TAFA2: variants seen among roughly 807,000 people sequenced by gnomAD.
TAFA2 encodes TAFA chemokine like family member 2, also known as chemokine-like protein TAFA-2.
A neutral mutation model predicts 18.8 loss-of-function variants in TAFA2; 7 were observed. The observed-to-expected ratio is 0.37, with a 90% CI of 0.21 to 0.70. TAFA2 has a LOEUF of 0.70. TAFA2 is among the 30% of genes least tolerant of loss of function. The pLI, the probability that TAFA2 is intolerant of heterozygous loss-of-function variation, is 0.53. For missense variants in TAFA2, 122 were observed against 158.1 expected (o/e 0.77, Z 1.23); for synonymous variants, 60 against 54.2 (o/e 1.11, Z -0.47).
At chr12:62,158,878 A>T (rs2062388628) in intron 1 of TAFA2, among the ~76,000 whole-genome samples, 2 of 152,220 alleles carry the variant, frequency 1.3e-5, no homozygotes, top group South Asian at 4.1e-4. Flanking sequence ...CAAGTGATAC[A>T]GAAAAGGCAT....
chr12:62,109,414 G>A (rs916584519), intron 1 of TAFA2, among the ~76,000 whole-genome samples: 5 of 152,192 alleles, frequency 3.3e-5, no homozygotes, highest in African/African-American at 1.2e-4. Flanking sequence ...CAGGTAGTAT[G>A]ATGCCTCCAC....
chr12:62,060,510 CAATA>C (rs1407606168), intron 1 of TAFA2, among the ~76,000 whole-genome samples: 1 of 152,178 alleles, frequency 6.6e-6, no homozygotes, highest in Non-Finnish European at 1.5e-5. Flanking sequence ...TTAATAATAA[CAATA>C]AATGACAATG....
At chr12:61,753,539 G>T in intron 4 of TAFA2, 83 bp downstream of exon 4, 1 of 1,253,060 alleles carries the variant, frequency 8.0e-7, no homozygotes, top group East Asian at 2.4e-5. Context: ...TTCCACAATT[G>T]CCACTTAAAT....
chr12:62,144,510 C>A (rs886896125), intron 1 of TAFA2, among the ~76,000 whole-genome samples: 4 of 151,828 alleles, frequency 2.6e-5, no homozygotes, highest in African/African-American at 9.7e-5. Flanking sequence ...AAAATTTTTT[C>A]AAGAACCAGC....
At position 61,996,405 on chromosome 12, in the gene TAFA2, T is replaced by C. The variant is rs374141293; in HGVS notation, c.-1-128979A>G. 9.8e-5 allele frequency among the ~76,000 whole-genome samples: 15 copies of C among 152,288 alleles called. 1 individual carries two copies. In the South Asian group the frequency reaches 2.9e-3, roughly 29 times the overall value. Reference sequence around the variant, plus strand: ...GCAGGTGCAGTCCTTCACCTCAGCTTTCTACCAGGGGCTTCCACTCAGCCA... The same window carrying C: ...GCAGGTGCAGTCCTTCACCTCAGCTCTCTACCAGGGGCTTCCACTCAGCCA... On this transcript the variant is annotated intron_variant, in intron 1 of 4. Coordinates refer to ENST00000416284, the MANE Select transcript of TAFA2 (RefSeq NM_178539.5).
At chr12:61,884,251 G>T (rs768093191) in intron 1 of TAFA2, among the ~76,000 whole-genome samples, 1 of 152,132 alleles carries the variant, frequency 6.6e-6, no homozygotes, top group African/African-American at 2.4e-5. Flanking sequence ...ACGGCGACAT[G>T]GAAGTGTTTT....
intron 1 of TAFA2, among the ~76,000 whole-genome samples, chr12:62,231,262 A>G (rs1358128842): frequency 6.6e-6 from 1 of 152,106 alleles, no homozygotes; most frequent in Non-Finnish European, 1.5e-5. Flanking sequence ...TTTGCTCTAT[A>G]TTGTTTGCTC....
chr12:61,974,543 A>G (rs1043351830), intron 1 of TAFA2, among the ~76,000 whole-genome samples: 20 of 151,860 alleles, frequency 1.3e-4, no homozygotes, highest in African/African-American at 4.3e-4. Flanking sequence ...GGAAGTTTTA[A>G]GTATCATTTA....
At chr12:61,940,501 GC>G (rs1255077039) in intron 1 of TAFA2, among the ~76,000 whole-genome samples, 1 of 152,172 alleles carries the variant, frequency 6.6e-6, no homozygotes, top group Admixed American at 6.5e-5. Context: ...AGAGGGAGAG[GC>G]CTTACTCTGC....
At chr12:61,847,959 T>A (rs1348756667) in intron 2 of TAFA2, among the ~76,000 whole-genome samples, 1 of 152,264 alleles carries the variant, frequency 6.6e-6, no homozygotes, top group Non-Finnish European at 1.5e-5. Flanking sequence ...TTGTCAGTTT[T>A]ATCTACAGTT....
chr12:61,734,042 A>G (rs1200103814), intron 4 of TAFA2, among the ~76,000 whole-genome samples: 1 of 147,896 alleles, frequency 6.8e-6, no homozygotes, highest in Non-Finnish European at 1.5e-5. Flanking sequence ...GCAATTGTGA[A>G]TGGGAGTTCA....
At chr12:61,852,784 T>C (rs1224078000) in intron 2 of TAFA2, among the ~76,000 whole-genome samples, 1 of 151,502 alleles carries the variant, frequency 6.6e-6, no homozygotes, top group African/African-American at 2.4e-5. Context: ...TAGAAAACGA[T>C]GAGAAAAATA....
chr12:61,908,724 T>TAAAG (rs1211544372), intron 1 of TAFA2, among the ~76,000 whole-genome samples: 1 of 152,152 alleles, frequency 6.6e-6, no homozygotes, highest in Non-Finnish European at 1.5e-5. Flanking sequence ...AATATAATAT[T>TAAAG]AAAGAACATG....
chr12:61,972,526 CA>C (rs1269316852), intron 1 of TAFA2, among the ~76,000 whole-genome samples: 1 of 151,522 alleles, frequency 6.6e-6, no homozygotes, highest in African/African-American at 2.4e-5. Flanking sequence ...TTTTCTTGGC[CA>C]AACCCTGACT....
At chr12:62,110,927 C>CA (rs532230227) in intron 1 of TAFA2, among the ~76,000 whole-genome samples, 49 of 151,752 alleles carry the variant, frequency 3.2e-4, no homozygotes, top group African/African-American at 1.1e-3. Flanking sequence ...TTAATCTTTT[C>CA]AAAAAAACAG....
intron 1 of TAFA2, among the ~76,000 whole-genome samples, chr12:62,040,622 C>T (rs1453592018): frequency 6.6e-6 from 1 of 152,122 alleles, no homozygotes; most frequent in African/African-American, 2.4e-5. Flanking sequence ...CATGGCTGTG[C>T]AACACCTTGA....
chr12:62,255,445 C>T (rs991453094), intron 1 of TAFA2: 2 of 152,190 alleles, frequency 1.3e-5, no homozygotes, highest in African/African-American at 4.8e-5. Flanking sequence ...TCCTACCATA[C>T]ACGTACATTT....
intron 2 of TAFA2, among the ~76,000 whole-genome samples, chr12:61,773,667 C>G (rs1211800822): frequency 6.6e-6 from 1 of 151,890 alleles, no homozygotes; most frequent in Admixed American, 6.6e-5. Context: ...TAGAATGAAA[C>G]TGGATCCTCA....
At chr12:61,752,344 A>G (rs561309594) in intron 4 of TAFA2, among the ~76,000 whole-genome samples, 155 of 152,202 alleles carry the variant, frequency 1.0e-3, no homozygotes, top group Non-Finnish European at 1.7e-3. Flanking sequence ...TTTGTTTCAG[A>G]ATCTCAAAAC....
Sources: gnomAD v4.1 joint callset for allele counts (sites outside exome capture counted in the v4.1 genomes callset) on GRCh38, gnomAD v4.1.1 for gene constraint, MANE v1.5 for transcripts, NCBI Gene and HGNC (gene_info 2026-07-23, HGNC 2026-07-21) for gene names.